Variants in CCDC14 observed in about 807,000 individuals in gnomAD.
CCDC14 encodes the protein coiled-coil domain-containing protein 14.
CCDC14 carries 71 observed loss-of-function variants against 81.4 expected under a neutral mutation model. That is an observed-to-expected ratio of 0.87 (90% CI 0.72 to 1.06). CCDC14 has a LOEUF of 1.06. CCDC14 is among the 50% of genes least tolerant of loss of function. The pLI, the probability that CCDC14 is intolerant of heterozygous loss-of-function variation, is 0.00. For missense variants in CCDC14, 1,046 were observed against 1,047.3 expected (o/e 1.00, Z 0.02); for synonymous variants, 332 against 364.8 (o/e 0.91, Z 1.03).
At chr3:123,926,956 G>A (rs756111612) in intron 12 of CCDC14, among the ~76,000 whole-genome samples, 3 of 152,050 alleles carry the variant, frequency 2.0e-5, no homozygotes, top group South Asian at 4.1e-4. Context: ...ACACTCTAAC[G>A]TCCAAAGTAA....
intron 12 of CCDC14, among the ~76,000 whole-genome samples, chr3:123,930,607 GA>G (rs1172463898): frequency 1.3e-5 from 2 of 152,200 alleles, no homozygotes; most frequent in African/African-American, 4.8e-5. Flanking sequence ...TTTAACTGAT[GA>G]AATAATGCTG....
At position 123,939,520 on chromosome 3, in the gene CCDC14, T is replaced by A. The variant is rs190918419; in HGVS notation, c.1343+5329A>T. Among the ~76,000 whole-genome samples the A allele has an allele frequency of 3.5e-3, 523 of 150,366 alleles. 2 individuals carry two copies. The highest frequency in any genetic ancestry group is 6.0e-3 in the Non-Finnish European group (407 of 67,446). Reference sequence around the variant, plus strand: ...AGAATAAAGTGGTACAACCAGAAAATTTTCCCTTTTATTTATAAATATCTT... The same window carrying A: ...AGAATAAAGTGGTACAACCAGAAAAATTTCCCTTTTATTTATAAATATCTT... On this transcript the variant is annotated intron_variant, in intron 9 of 12. Transcript: ENST00000409697.
Position 123,948,742 on chromosome 3 carries a change from G to A in CCDC14, c.633C>T (p.Ser211=). The A allele has an allele frequency of 1.9e-6, 3 of 1,602,226 alleles. No homozygotes were observed. Among genetic ancestry groups the A allele is most frequent in the Non-Finnish European group, 2.5e-6 (3 of 1,177,134 alleles). Residue 211 remains serine (S), a synonymous_variant, in exon 7 of 13, where the codon TCC becomes TCT. Coordinates refer to ENST00000409697, the MANE Select transcript of CCDC14 (RefSeq NM_001366335.1). ...TPHSSYGLCT[S]TPVWSLQRPP... ...GCCGCTGAAGTGACCAGACTGGGGT[G>A]GAGGTACATAAGCCATAACTAGAAT...
intron 5 of CCDC14, among the ~76,000 whole-genome samples, chr3:123,899,989 A>G (rs2148757246): frequency 6.6e-6 from 1 of 152,314 alleles, no homozygotes; most frequent in East Asian, 1.9e-4. Flanking sequence ...CTGTGCTCCA[A>G]TAACATGTGC....
chr3:123,885,323 C>T, the CCDC14 span, among the ~76,000 whole-genome samples: 6 of 152,032 alleles, frequency 3.9e-5, no homozygotes, highest in East Asian at 1.2e-3. Context: ...CTCTGCCAGC[C>T]ACCCCAGGAG....
chr3:123,944,818 C>A, intron 9 of CCDC14, 31 bp downstream of exon 9: 1 of 1,579,698 alleles, frequency 6.3e-7, no homozygotes, highest in South Asian at 1.1e-5. Flanking sequence ...TCTTTGCATA[C>A]AGACAAAAAT....
the CCDC14 span, among the ~76,000 whole-genome samples, chr3:123,890,243 A>G: frequency 2.0e-5 from 3 of 152,206 alleles, no homozygotes; most frequent in Non-Finnish European, 4.4e-5. Context: ...GGGTGGGGAC[A>G]CAGAGCCAAA....
rs190380970 is a variant in CCDC14, at chr3:123,952,919, T to C, written c.352+2924A>G. The C allele has an allele frequency of 4.7e-3, 901 of 189,938 alleles. 2 individuals carry two copies. The highest frequency in any genetic ancestry group is 7.1e-3 in the Non-Finnish European group (621 of 87,402). The allele number at this position is 189,938 out of a possible 1,614,324, so 11.8% of individuals were successfully genotyped here. Reference sequence around the variant, plus strand: ...ACCACACACACACACAACTAGAAACTAATTTCTAATATTGCAACCCTAAAG... The same window carrying C: ...ACCACACACACACACAACTAGAAACCAATTTCTAATATTGCAACCCTAAAG... On this transcript the variant is annotated intron_variant, in intron 5 of 12. Coordinates refer to ENST00000409697, the MANE Select transcript of CCDC14 (RefSeq NM_001366335.1).
intron 9 of CCDC14, among the ~76,000 whole-genome samples, chr3:123,934,217 G>A (rs533609307): frequency 7.6e-6 from 1 of 131,060 alleles, no homozygotes; most frequent in South Asian, 2.7e-4. Flanking sequence ...AGGTTGCAGT[G>A]AGTGAGATCG....
intron 8 of CCDC14, among the ~76,000 whole-genome samples, chr3:123,945,781 A>G (rs753179701): frequency 6.6e-6 from 1 of 152,196 alleles, no homozygotes; most frequent in Non-Finnish European, 1.5e-5. Context: ...CATGAAAAGT[A>G]TATGTACACA....
chr3:123,953,620 G>C (rs909545217), intron 5 of CCDC14: 1 of 152,134 alleles, frequency 6.6e-6, no homozygotes, highest in African/African-American at 2.4e-5. Flanking sequence ...TACATCAGTA[G>C]GGCTTCAGTT....
chr3:123,905,558 A>T (rs564304085), intron 5 of CCDC14, among the ~76,000 whole-genome samples: 1 of 152,320 alleles, frequency 6.6e-6, no homozygotes, highest in South Asian at 2.1e-4. Context: ...AGGAAAAAAA[A>T]AGATACAGGA....
In CCDC14 at chr3:123,933,687, T is replaced by A. The variant is rs1222007000; in HGVS notation, c.1412A>T (p.Asp471Val). 1 of 1,572,738 alleles carries A rather than the reference T, an allele frequency of 6.4e-7. No homozygotes were observed. Among genetic ancestry groups the A allele is most frequent in the Non-Finnish European group, 8.6e-7 (1 of 1,156,328 alleles). ...QKTQKPSGAVDCNLELFSLQS... is the reference protein window; with the variant it reads ...QKTQKPSGAVVCNLELFSLQS... ...CTTTTACCTACATTCAAGGTTGCAA[T>A]CCACAGCACCAGATGGTTTTTGAGT... The change falls in exon 10 of 13, where the codon GAT becomes GTT. Residue 471 changes from aspartate (D) to valine (V), a missense_variant. Transcript: ENST00000409697.
chr3:123,930,474 T>C (rs1278066315), intron 12 of CCDC14, among the ~76,000 whole-genome samples: 1 of 152,214 alleles, frequency 6.6e-6, no homozygotes, highest in African/African-American at 2.4e-5. Context: ...TCTTAGCAAA[T>C]ATCTCAAAAG....
chr3:123,940,249 T>A (rs2148894220), intron 9 of CCDC14, among the ~76,000 whole-genome samples: 1 of 151,810 alleles, frequency 6.6e-6, no homozygotes, highest in Admixed American at 6.6e-5. Context: ...TATTAATGAT[T>A]TTACATTTGT....
intron 8 of CCDC14, 112 bp downstream of exon 8, chr3:123,946,691 A>T: frequency 1.8e-6 from 2 of 1,101,538 alleles, no homozygotes; most frequent in African/African-American, 1.6e-5. Context: ...TTATTAGCTC[A>T]AAACACAGTT....
At chr3:123,938,493 T>C (rs1189596505) in intron 9 of CCDC14, among the ~76,000 whole-genome samples, 1 of 151,976 alleles carries the variant, frequency 6.6e-6, no homozygotes, top group Non-Finnish European at 1.5e-5. Flanking sequence ...TCTAGCAGCA[T>C]TTTTGTAGAT....
At chr3:123,960,984 G>C (rs1203744257) in intron 1 of CCDC14, among the ~76,000 whole-genome samples, 160 bp downstream of exon 1, 1 of 152,142 alleles carries the variant, frequency 6.6e-6, no homozygotes, top group East Asian at 1.9e-4. Context: ...GCCGTGTTAC[G>C]ACGGGAAGAT....
intron 5 of CCDC14, among the ~76,000 whole-genome samples, chr3:123,908,316 G>T (rs1469930548): frequency 6.6e-6 from 1 of 152,098 alleles, no homozygotes; most frequent in Non-Finnish European, 1.5e-5. Context: ...CCTCATTTGG[G>T]AGGCACTGGG....
Sources: allele counts gnomAD v4.1 joint callset (sites outside exome capture counted in the v4.1 genomes callset), GRCh38; gene constraint gnomAD v4.1.1; transcripts MANE v1.5; gene names NCBI Gene and HGNC (gene_info 2026-07-23, HGNC 2026-07-21).